SNX29: variants seen among roughly 807,000 people sequenced by gnomAD.
SNX29 encodes sorting nexin 29, also known as sorting nexin-29.
A neutral mutation model predicts 102.1 loss-of-function variants in SNX29; 78 were observed. The ratio of observed to expected loss-of-function variants is 0.76; its 90% CI spans 0.64 to 0.92. The LOEUF is 0.92. Ranked by LOEUF, SNX29 falls within the 40% of genes least tolerant of loss-of-function variation. The probability of loss-of-function intolerance (pLI) is 0.00; values close to 1 mark genes in which losing one functional copy is unlikely to be tolerated. For synonymous variants in SNX29, 580 were observed against 414.5 expected (o/e 1.40, Z -4.85); for missense variants, 1,280 against 1,061.7 (o/e 1.21, Z -2.86).
At chr16:12,524,363 C>G (rs904346776) in intron 19 of SNX29, among the ~76,000 whole-genome samples, 2 of 151,808 alleles carry the variant, frequency 1.3e-5, no homozygotes, top group Non-Finnish European at 2.9e-5. Context: ...GTGAACTCCA[C>G]GAAGGCCACA....
At chr16:12,357,377 C>T (rs2082165668) in intron 16 of SNX29, among the ~76,000 whole-genome samples, 1 of 152,126 alleles carries the variant, frequency 6.6e-6, no homozygotes, top group Non-Finnish European at 1.5e-5. Flanking sequence ...CCCCCATTAC[C>T]AGTAATTGCT....
intron 19 of SNX29, among the ~76,000 whole-genome samples, chr16:12,482,115 T>C (rs1351379957): frequency 6.6e-6 from 1 of 152,194 alleles, no homozygotes; most frequent in Non-Finnish European, 1.5e-5. Context: ...TTGGAGTGTG[T>C]TGATTCTACA....
chr16:12,423,770 C>G (rs953004221), intron 18 of SNX29, among the ~76,000 whole-genome samples: 2 of 152,172 alleles, frequency 1.3e-5, no homozygotes, highest in African/African-American at 4.8e-5. Context: ...TGGGGTTTCG[C>G]TATGTTGGCC....
chr16:12,256,112 C>T (rs1362158516), intron 14 of SNX29, among the ~76,000 whole-genome samples: 3 of 152,164 alleles, frequency 2.0e-5, no homozygotes, highest in Non-Finnish European at 4.4e-5. Context: ...ATTTGCATTT[C>T]TCCGATGATT....
At chr16:12,130,918 A>G (rs1317696363) in intron 13 of SNX29, among the ~76,000 whole-genome samples, 2 of 152,114 alleles carry the variant, frequency 1.3e-5, no homozygotes, top group African/African-American at 4.8e-5. Context: ...AGGCACCGAG[A>G]TGGTTTCCAG....
chr16:12,533,411 A>G (rs1038651007), intron 20 of SNX29, among the ~76,000 whole-genome samples: 3 of 151,936 alleles, frequency 2.0e-5, no homozygotes, highest in East Asian at 3.9e-4. Context: ...TGATGTGTTG[A>G]TGCATATTTC....
At chr16:12,143,694 A>G (rs925525419) in intron 13 of SNX29, among the ~76,000 whole-genome samples, 1 of 152,218 alleles carries the variant, frequency 6.6e-6, no homozygotes, top group African/African-American at 2.4e-5. Flanking sequence ...GTTTCATGGA[A>G]GTAAATTATG....
At chr16:12,047,651 C>CTTTTTTT (rs376623418) in intron 6 of SNX29, among the ~76,000 whole-genome samples, 2 of 126,616 alleles carry the variant, frequency 1.6e-5, no homozygotes, top group African/African-American at 3.0e-5. Flanking sequence ...GGACCAAGGT[C>CTTTTTTT]TTTTTTTTTT....
At chr16:12,229,497 T>C (rs556033746) in intron 14 of SNX29, among the ~76,000 whole-genome samples, 114 of 152,318 alleles carry the variant, frequency 7.5e-4, no homozygotes, top group Non-Finnish European at 1.5e-3. Context: ...AATGTAGAGA[T>C]ACTTTTGTGA....
intron 16 of SNX29, among the ~76,000 whole-genome samples, chr16:12,364,416 C>CTTCTTTTTT (rs1555520124): frequency 1.0e-5 from 1 of 98,778 alleles, no homozygotes; most frequent in Non-Finnish European, 2.5e-5. Flanking sequence ...CTCTCTTCTT[C>CTTCTTTTTT]TTTTTTTTTT....
Position 12,107,338 on chromosome 16 carries a change from G to GGTT in SNX29, c.1403-19295_1403-19294insGTT, listed in dbSNP as rs71408237. 5.8e-5 allele frequency among the ~76,000 whole-genome samples: 8 copies of GGTT among 137,284 alleles called. No homozygotes were observed. The East Asian group carries it at 1.7e-3, about 29-fold the overall frequency. The allele number at this position is 137,284 out of a possible 152,430, so 90.1% of individuals were successfully genotyped here. ...AATCTGACTGACCACAGCACTGTGGGTTTTTTTTTTTTTTTTTTAAAACGT... is the reference window on the plus strand; with the variant it reads ...AATCTGACTGACCACAGCACTGTGGGGTTTTTTTTTTTTTTTTTTTTAAAACGT... On this transcript the variant is annotated intron_variant, in intron 11 of 20. Coordinates refer to ENST00000566228, the MANE Select transcript of SNX29 (RefSeq NM_032167.5).
chr16:12,353,268 T>G (rs535181026), intron 15 of SNX29, among the ~76,000 whole-genome samples: 33 of 152,314 alleles, frequency 2.2e-4, no homozygotes, highest in African/African-American at 7.0e-4. Context: ...CTCCTTGGTG[T>G]GGCACATCAT....
intron 3 of SNX29, among the ~76,000 whole-genome samples, chr16:12,004,649 C>T (rs2056396964): frequency 6.6e-6 from 1 of 152,142 alleles, no homozygotes; most frequent in South Asian, 2.1e-4. Flanking sequence ...TCACCCTAGC[C>T]CACCCTCCTG....
chr16:12,159,187 A>T (rs2055678706), intron 13 of SNX29, among the ~76,000 whole-genome samples: 1 of 152,206 alleles, frequency 6.6e-6, no homozygotes, highest in South Asian at 2.1e-4. Flanking sequence ...ACCCCTGCAG[A>T]TGTATGACGA....
chr16:12,329,948 C>A (rs1022455137), intron 15 of SNX29, among the ~76,000 whole-genome samples: 1 of 152,180 alleles, frequency 6.6e-6, no homozygotes, highest in Non-Finnish European at 1.5e-5. Context: ...AGTGGCATAT[C>A]TTACAGATAG....
rs896157085 is a variant in SNX29 at position 12,572,097 on chromosome 16, G to T, written c.*3468G>T. 1 of 1,060,546 alleles carries T rather than the reference G, an allele frequency of 9.4e-7. No individual in the cohort carries two copies. The highest frequency in any genetic ancestry group is 1.1e-6 in the Non-Finnish European group (1 of 875,328). 65.7% of individuals were successfully genotyped at this position (1,060,546 alleles called of 1,614,324 possible). ...CTAGGAAGAGGAAGGGGAGGGATGT[G>T]GACTGGGTCTGATCACAGCCCTTGG... On this transcript the variant is annotated 3_prime_UTR_variant, in exon 21 of 21. Transcript: ENST00000566228.
At chr16:12,269,429 G>C (rs1036743394) in intron 14 of SNX29, among the ~76,000 whole-genome samples, 15 of 152,182 alleles carry the variant, frequency 9.9e-5, no homozygotes, top group Non-Finnish European at 2.1e-4. Context: ...GCAGTGCTAT[G>C]TAAATTGAAG....
intron 9 of SNX29, among the ~76,000 whole-genome samples, chr16:12,068,770 C>G (rs1044396451): frequency 2.0e-5 from 3 of 152,128 alleles, no homozygotes; most frequent in African/African-American, 7.2e-5. Flanking sequence ...GTCTCGAACT[C>G]CTGACCTCAG....
At chr16:12,242,897 C>G (rs149153798) in intron 14 of SNX29, among the ~76,000 whole-genome samples, 62 of 152,266 alleles carry the variant, frequency 4.1e-4, no homozygotes, top group African/African-American at 1.4e-3. Context: ...GTGCTTCCAC[C>G]TCAGCCTCCC....
Sources: allele counts gnomAD v4.1 joint callset (sites outside exome capture counted in the v4.1 genomes callset), GRCh38; gene constraint gnomAD v4.1.1; transcripts MANE v1.5; gene names NCBI Gene and HGNC (gene_info 2026-07-23, HGNC 2026-07-21).